Variants in PAH observed in about 807,000 individuals in gnomAD.
PAH encodes phenylalanine-4-hydroxylase.
Under a neutral mutation model 62.0 loss-of-function variants are expected in PAH, and 64 were observed. The observed-to-expected ratio is 1.03, with a 90% CI of 0.84 to 1.27. The LOEUF (loss-of-function observed/expected upper bound fraction) is 1.27. Ranked by LOEUF, PAH falls within the 50% of genes most tolerant of loss-of-function variation. The probability of loss-of-function intolerance (pLI) is 0.00; values close to 1 mark genes in which losing one functional copy is unlikely to be tolerated. For missense variants in PAH, 579 were observed against 542.8 expected (o/e 1.07, Z -0.66); for synonymous variants, 195 against 196.2 (o/e 0.99, Z 0.05).
chr12:102,874,418 G>C (rs1331318685), intron 4 of PAH, among the ~76,000 whole-genome samples: 2 of 152,168 alleles, frequency 1.3e-5, no homozygotes, highest in African/African-American at 2.4e-5. Context: ...CATGTCATCT[G>C]TCACTTCAAC....
chr12:102,946,601 G>C (rs112761448), intron 1 of PAH: 3,947 of 152,576 alleles, frequency 0.026, 178 homozygotes, highest in African/African-American at 0.09. Flanking sequence ...CAGATTCTCT[G>C]TCCATGCCAT....
chr12:102,857,473 T>C lies in PAH; in HGVS notation c.510-2141A>G, dbSNP rs906283537. Among the ~76,000 whole-genome samples, 14 of 152,158 alleles carry C rather than the reference T, an allele frequency of 9.2e-5. No homozygotes were observed. In the East Asian group the frequency reaches 9.7e-4, roughly 11 times the overall value. ...ATTCAAATTCAGGAAATACAGAGAA[T>C]GCCACAAAGATACTCCTCGAGAAGA... is the stretch of plus-strand genomic sequence containing the variant. On this transcript the variant is annotated intron_variant, in intron 5 of 12. Transcript: ENST00000553106.
chr12:102,905,224 G>A (rs997169619), intron 2 of PAH, among the ~76,000 whole-genome samples: 1 of 152,088 alleles, frequency 6.6e-6, no homozygotes, highest in African/African-American at 2.4e-5. Flanking sequence ...ATAACATGGG[G>A]CTACTATAAT....
At chr12:102,910,386 T>TG (rs1565872560) in intron 2 of PAH, among the ~76,000 whole-genome samples, 17 of 147,412 alleles carry the variant, frequency 1.2e-4, no homozygotes, top group East Asian at 3.9e-4. Flanking sequence ...TTTTTTTTTT[T>TG]TGGGGAGGGA....
chr12:102,945,219 G>C (rs1879447061), intron 1 of PAH: 1 of 152,672 alleles, frequency 6.5e-6, no homozygotes, highest in Non-Finnish European at 1.5e-5. Flanking sequence ...CACTGGGTCA[G>C]ATCTGAAGCC....
Position 102,847,145 on chromosome 12 carries a change from C to CCACCCTCA in PAH, c.913-202_913-195dup, listed in dbSNP as rs1375511052. On this transcript the variant is annotated intron_variant, in intron 8 of 12. Coordinates refer to ENST00000553106, the MANE Select transcript of PAH (RefSeq NM_000277.3). ...AGATCTCCAGGGTAGGGGGATCCTT[C>CCACCCTCA]CACCCTCACTTGGCCCTTTGTTTTC... 4.4e-5 allele frequency: 27 copies of CCACCCTCA among 618,810 alleles called. No homozygotes were observed. In the African/African-American group the frequency reaches 4.9e-4, roughly 11 times the overall value. 38.3% of individuals were successfully genotyped at this position (618,810 alleles called of 1,614,324 possible).
intron 4 of PAH, among the ~76,000 whole-genome samples, chr12:102,870,736 C>T (rs1876274346): frequency 6.6e-6 from 1 of 152,132 alleles, no homozygotes; most frequent in Non-Finnish European, 1.5e-5. Flanking sequence ...AAGGATGGAA[C>T]ACAGAAGACA....
chr12:102,872,338 T>G (rs553982007), intron 4 of PAH, among the ~76,000 whole-genome samples: 3 of 152,204 alleles, frequency 2.0e-5, no homozygotes, highest in Admixed American at 6.5e-5. Flanking sequence ...CTGCACTATC[T>G]TTGTCATCTT....
At chr12:102,937,240 T>C (rs1218750506) in intron 1 of PAH, among the ~76,000 whole-genome samples, 2 of 152,214 alleles carry the variant, frequency 1.3e-5, no homozygotes, top group Non-Finnish European at 2.9e-5. Flanking sequence ...GAGAGTTTAG[T>C]CCATTTATAT....
chr12:102,912,122 C>G (rs1024164104), intron 2 of PAH, among the ~76,000 whole-genome samples: 1 of 152,186 alleles, frequency 6.6e-6, no homozygotes, highest in Non-Finnish European at 1.5e-5. Context: ...ATACATTTCT[C>G]TCTGTAAACA....
At chr12:102,932,084 C>T (rs940973395) in intron 1 of PAH, among the ~76,000 whole-genome samples, 1 of 152,136 alleles carries the variant, frequency 6.6e-6, no homozygotes, top group African/African-American at 2.4e-5. Flanking sequence ...CCTCCAATCC[C>T]CCTTCCATTC....
rs76296470 is a variant in PAH at position 102,894,756 on chromosome 12, G to A, written c.331C>T (p.Arg111Ter). ...DIGATVHELSRDKKKDTVPWF... is the reference protein window; with the variant it reads ...DIGATVHELS The stretch of plus-strand genomic sequence containing the variant: ...TTACCTGTGTCTTTCTTCTTATCTC[G>A]TGAAAGCTCATGGACAGTGGCACCA... Residue 111 changes from arginine (R) to a stop codon, truncating the protein, a stop_gained, in exon 3 of 13, where the codon CGA becomes TGA. Coordinates refer to ENST00000553106, the MANE Select transcript of PAH (RefSeq NM_000277.3). LOFTEE classifies it high-confidence loss of function. 89 of 1,613,768 alleles carry A rather than the reference G, an allele frequency of 5.5e-5. No homozygotes were observed. The highest frequency in any genetic ancestry group is 1.8e-4 in the East Asian group (8 of 44,884).
intron 1 of PAH, among the ~76,000 whole-genome samples, chr12:102,931,730 C>A (rs1316012295): frequency 1.3e-5 from 2 of 152,144 alleles, no homozygotes; most frequent in East Asian, 3.9e-4. Flanking sequence ...TTGCATTCAG[C>A]CTTTTTCCTT....
chr12:102,896,776 G>A (rs1040546116), intron 2 of PAH, among the ~76,000 whole-genome samples: 1 of 152,136 alleles, frequency 6.6e-6, no homozygotes, highest in African/African-American at 2.4e-5. Context: ...GAGAATTTCA[G>A]GAATCCAACG....
intron 4 of PAH, among the ~76,000 whole-genome samples, chr12:102,867,442 A>T (rs1006878800): frequency 6.6e-6 from 1 of 152,210 alleles, no homozygotes; most frequent in Non-Finnish European, 1.5e-5. Context: ...AAAGGAGGCT[A>T]AGTGTGTCTT....
In PAH at chr12:102,838,305, A is replaced by C. The variant is rs1364751694; in HGVS notation, c.*870T>G. 3 of 152,276 alleles carry C rather than the reference A, an allele frequency of 2.0e-5. No homozygotes were observed. Among genetic ancestry groups the C allele is most frequent in the Non-Finnish European group, 4.4e-5 (3 of 68,048 alleles). 9.4% of individuals were successfully genotyped at this position (152,276 alleles called of 1,614,324 possible). On this transcript the variant is annotated 3_prime_UTR_variant, in exon 13 of 13. Coordinates refer to ENST00000553106, the MANE Select transcript of PAH (RefSeq NM_000277.3). ...AGAGGAATATTTCATTCCAGGAAAT[A>C]ACTGAAACAGTGAAATTGTTTAAAC...
intron 2 of PAH, among the ~76,000 whole-genome samples, chr12:102,896,701 G>A (rs1011298972): frequency 6.6e-6 from 1 of 152,072 alleles, no homozygotes; most frequent in African/African-American, 2.4e-5. Flanking sequence ...AATGGAAAAA[G>A]TCCATCATAT....
At chr12:102,908,495 C>G (rs552205796) in intron 2 of PAH, among the ~76,000 whole-genome samples, 1 of 152,210 alleles carries the variant, frequency 6.6e-6, no homozygotes, top group Admixed American at 6.5e-5. Context: ...AATGCTGTCT[C>G]TCTTCTCTAC....
At chr12:102,926,574 A>G (rs1396181325) in intron 1 of PAH, among the ~76,000 whole-genome samples, 1 of 151,926 alleles carries the variant, frequency 6.6e-6, no homozygotes, top group African/African-American at 2.4e-5. Context: ...AAATGCAAAA[A>G]CCACAATTAC....
Sources: allele counts gnomAD v4.1 joint callset (sites outside exome capture counted in the v4.1 genomes callset), GRCh38; gene constraint gnomAD v4.1.1; transcripts MANE v1.5; gene names NCBI Gene and HGNC (gene_info 2026-07-23, HGNC 2026-07-21).